Variants in C5orf63 observed in about 807,000 individuals in gnomAD.
C5orf63 encodes the protein chromosome 5 open reading frame 63, also known as glutaredoxin-like protein C5orf63.
Under a neutral mutation model 13.3 loss-of-function variants are expected in C5orf63, and 18 were observed. The ratio of observed to expected loss-of-function variants is 1.36; its 90% CI spans 0.94 to 2.01. The LOEUF (loss-of-function observed/expected upper bound fraction) is 2.01, where lower values mean the gene tolerates loss of function less well. C5orf63 is among the 30% of genes most tolerant of loss of function. The pLI, the probability that C5orf63 is intolerant of heterozygous loss-of-function variation, is 0.00. For missense variants in C5orf63, 118 were observed against 127.7 expected (o/e 0.92, Z 0.36); for synonymous variants, 38 against 44.7 (o/e 0.85, Z 0.60).
chr5:127,050,592 T>G (rs1011685459), downstream of C5orf63, among the ~76,000 whole-genome samples: 3 of 152,148 alleles, frequency 2.0e-5, no homozygotes, highest in Non-Finnish European at 4.4e-5. Context: ...TCTGGGGCTG[T>G]GGGGCAAGAC....
intron 3 of C5orf63, among the ~76,000 whole-genome samples, chr5:127,053,352 C>T (rs935523068): frequency 2.6e-5 from 4 of 151,174 alleles, no homozygotes; most frequent in African/African-American, 9.9e-5. Flanking sequence ...GGATCGTCGG[C>T]AGATTTTATT....
At chr5:127,053,665 T>C (rs1753772311) in intron 3 of C5orf63, among the ~76,000 whole-genome samples, 2 of 152,202 alleles carry the variant, frequency 1.3e-5, no homozygotes, top group Non-Finnish European at 2.9e-5. Context: ...TTCCCACCTA[T>C]GAGTGAGAAC....
chr5:127,066,146 T>C (rs1337825321), intron 2 of C5orf63, among the ~76,000 whole-genome samples: 2 of 151,838 alleles, frequency 1.3e-5, no homozygotes, highest in African/African-American at 4.9e-5. Context: ...AAAGATTGTA[T>C]GGCTTAAGCA....
rs775226437 is a variant in C5orf63, at chr5:127,052,637, T to C, written c.147A>G (p.Glu49=). ...DPCPLCDEAK[E]VLKPYENRFI... ...CCCTGTTTTCATAAGGCTTGAGTAC[T>C]TCCTTGGCTTCATCACAAAGGGGGC... The change falls in exon 4 of 5, where the codon GAA becomes GAG. Residue 49 remains glutamate (E), a synonymous_variant. Coordinates refer to ENST00000296662, the MANE Select transcript of C5orf63 (RefSeq NM_001164478.2). 3.3e-6 allele frequency: 5 copies of C among 1,508,406 alleles called. No homozygotes were observed. Among genetic ancestry groups the C allele is most frequent in the Admixed American group, 4.6e-5 (2 of 43,700 alleles). 93.4% of individuals were successfully genotyped at this position (1,508,406 alleles called of 1,614,324 possible). A position where few individuals can be genotyped will look rare whatever the true frequency, so the allele number is the denominator to read the frequency against.
At chr5:127,054,184 C>A (rs1753790175) in intron 3 of C5orf63, among the ~76,000 whole-genome samples, 2 of 151,848 alleles carry the variant, frequency 1.3e-5, no homozygotes, top group African/African-American at 4.8e-5. Context: ...GTTTTTTAGA[C>A]CTGGGGTCCA....
chr5:127,070,519 A>G lies in C5orf63; in HGVS notation c.-8+1065T>C, dbSNP rs150342717. ...CCTATTACAACACAAAAAGCTGTCA[A>G]CTTTGAACTCCTTTGAAATGTTGTT... On this transcript the variant is annotated intron_variant, in intron 2 of 4. Transcript: ENST00000296662. 1.0e-3 allele frequency among the ~76,000 whole-genome samples: 156 copies of G among 152,342 alleles called. 1 individual carries two copies. The highest frequency in any genetic ancestry group is 3.5e-3 in the African/African-American group (145 of 41,580).
intron 2 of C5orf63, among the ~76,000 whole-genome samples, chr5:127,060,182 A>G (rs866652210): frequency 3.3e-5 from 5 of 152,254 alleles, no homozygotes; most frequent in South Asian, 2.1e-4. Context: ...GCTTACTTAC[A>G]GGAACTATAG....
chr5:127,048,341 C>T (rs377336084), downstream of C5orf63, among the ~76,000 whole-genome samples: 7 of 151,940 alleles, frequency 4.6e-5, no homozygotes, highest in South Asian at 1.0e-3. Context: ...CATCAGCTGC[C>T]TTCACTGTAC....
At chr5:127,065,460 T>C (rs763537746) in intron 2 of C5orf63, among the ~76,000 whole-genome samples, 13 of 152,132 alleles carry the variant, frequency 8.5e-5, no homozygotes, top group Non-Finnish European at 1.5e-4. Flanking sequence ...TTTGGATATG[T>C]AGAAAAAAGG....
downstream of C5orf63, chr5:127,047,526 A>G: frequency 1.7e-6 from 1 of 572,574 alleles, no homozygotes; most frequent in South Asian, 2.3e-5. Context: ...CCTCTCTGAA[A>G]TAAGAATTGA....
chr5:127,064,465 C>T (rs954509203), intron 2 of C5orf63, among the ~76,000 whole-genome samples: 20 of 152,150 alleles, frequency 1.3e-4, no homozygotes, highest in African/African-American at 4.8e-4. Context: ...CCTATGGGCC[C>T]GGCTATACAT....
In C5orf63 at chr5:127,059,079, G is replaced by A. The variant is rs1019487499; in HGVS notation, c.-7-77C>T. On this transcript the variant is annotated intron_variant, in intron 2 of 4. Coordinates refer to ENST00000296662, the MANE Select transcript of C5orf63 (RefSeq NM_001164478.2). ...TTACAATATGGACAGTAATTTCCAAGCTTATGATGGAATTTGCGGGCTTCA... is the reference window on the plus strand; with the variant it reads ...TTACAATATGGACAGTAATTTCCAAACTTATGATGGAATTTGCGGGCTTCA... 5 of 863,070 alleles carry A rather than the reference G, an allele frequency of 5.8e-6. No homozygotes were observed. The African/African-American group carries it at 8.5e-5, about 15-fold the overall frequency. 53.5% of individuals were successfully genotyped at this position (863,070 alleles called of 1,614,324 possible).
chr5:127,070,396 G>C (rs954666221), intron 2 of C5orf63, among the ~76,000 whole-genome samples: 6 of 152,082 alleles, frequency 3.9e-5, no homozygotes, highest in African/African-American at 1.4e-4. Context: ...AAAAGCACTG[G>C]AACAATGAGA....
intron 2 of C5orf63, among the ~76,000 whole-genome samples, chr5:127,063,763 C>T (rs1754200931): frequency 6.6e-6 from 1 of 152,094 alleles, no homozygotes; most frequent in Non-Finnish European, 1.5e-5. Flanking sequence ...ACCTATATTC[C>T]CTAAAGAAGA....
At chr5:127,063,929 ATTATT>A (rs1754207427) in intron 2 of C5orf63, among the ~76,000 whole-genome samples, 1 of 152,138 alleles carries the variant, frequency 6.6e-6, no homozygotes, top group African/African-American at 2.4e-5. Flanking sequence ...GAACAAAACC[ATTATT>A]TTAGATTACT....
intron 3 of C5orf63, among the ~76,000 whole-genome samples, chr5:127,055,442 C>T (rs1263369115): frequency 6.6e-6 from 1 of 151,988 alleles, no homozygotes; most frequent in Admixed American, 6.6e-5. Flanking sequence ...CAAAACAGAC[C>T]CCAAATTACT....
intron 3 of C5orf63, among the ~76,000 whole-genome samples, chr5:127,053,023 C>G (rs73783519): frequency 0.03 from 4,501 of 152,218 alleles, 189 homozygotes; most frequent in African/African-American, 0.096. Context: ...TGGCCTCATA[C>G]AGTTGGCCTG....
At chr5:127,072,584 T>C (rs1338295620) in intron 1 of C5orf63, among the ~76,000 whole-genome samples, 2 of 152,092 alleles carry the variant, frequency 1.3e-5, no homozygotes, top group Non-Finnish European at 2.9e-5. Flanking sequence ...TTAGACACCA[T>C]CTCTGTCCTT....
At chr5:127,051,980 T>C (rs2126881701) in intron 4 of C5orf63, 33 bp from the exon 5 acceptor site, 1 of 1,429,076 alleles carries the variant, frequency 7.0e-7, no homozygotes, top group Admixed American at 2.7e-5. Flanking sequence ...CTCTGTATTT[T>C]AGACCATGGG....
Sources: gnomAD v4.1 joint callset for allele counts (sites outside exome capture counted in the v4.1 genomes callset) on GRCh38, gnomAD v4.1.1 for gene constraint, MANE v1.5 for transcripts, NCBI Gene and HGNC (gene_info 2026-07-23, HGNC 2026-07-21) for gene names.